The following EPPK1 variants were observed in gnomAD, a reference collection of about 807,000 sequenced individuals.
The protein encoded by EPPK1 is epiplakin.
For missense variants in EPPK1, 3,823 were observed against 3,673.3 expected, an observed-to-expected ratio of 1.04 and a Z score of -1.05; for synonymous variants, 1,862 against 1,721.2, an observed-to-expected ratio of 1.08 and a Z score of -2.03.
Position 143,866,971 on chromosome 8 carries a change from T to A in EPPK1, c.6283A>T (p.Ile2095Phe), listed in dbSNP as rs1586687327. Residue 2095 changes from isoleucine to phenylalanine, a missense_variant, in exon 2 of 2, where the codon ATC (isoleucine) becomes TTC (phenylalanine). Physicochemically the swap from Ile to Phe is conservative, Grantham distance 21. Transcript: ENST00000615648. The part of the protein sequence containing the change: ...VNKAARDSEH[I>F]DDETRRALEA... ...AGGGCCCTTCTCGTCTCGTCATCGA[T>A]GTGCTCGGAGTCCCGTGCAGCCTTG... The A allele has an allele frequency of 6.2e-7, 1 of 1,612,832 alleles. No individual in the cohort carries two copies. Among genetic ancestry groups the A allele is most frequent in the East Asian group, 2.2e-5 (1 of 44,872 alleles).
Position 143,867,426 on chromosome 8 carries a change from G to T in EPPK1, c.5828C>A (p.Pro1943His). 6.2e-7 allele frequency: 1 copy of T among 1,612,754 alleles called. No homozygotes were observed. Among genetic ancestry groups the T allele is most frequent in the Non-Finnish European group, 8.5e-7 (1 of 1,179,866 alleles). ...AQAATGFLLDPCTRQKLSVDE... is the reference protein window; with the variant it reads ...AQAATGFLLDHCTRQKLSVDE... ...CACAGAGAGCTTCTGGCGGGTGCAG[G>T]GGTCCAGGAGGAACCCGGTGGCGGC... The change falls in exon 2 of 2, where the codon CCC (proline) becomes CAC (histidine). Residue 1943 changes from proline to histidine, a missense_variant. Transcript: ENST00000615648.
In EPPK1 at chr8:143,871,613, G is replaced by A; in HGVS notation, c.1641C>T (p.Ala547=). ...CAGTGGCTGCAGCCTGCTCGAGGGT[G>A]GCGCTCAGCTTAGCGGCCAGCTTCT... ...SVEKLAAKLS[A]TLEQAAATAR... Residue 547 remains alanine, a synonymous_variant, in exon 2 of 2, where the codon GCC becomes GCT. Coordinates refer to ENST00000615648, the MANE Select transcript of EPPK1 (RefSeq NM_031308.4). 1.2e-6 allele frequency: 2 copies of A among 1,607,894 alleles called. No individual in the cohort carries two copies. The highest frequency in any genetic ancestry group is 1.7e-6 in the Non-Finnish European group (2 of 1,178,172).
At position 143,872,330 on chromosome 8, in the gene EPPK1, G is replaced by A. The variant is rs782587904; in HGVS notation, c.924C>T (p.His308=). The A allele has an allele frequency of 3.1e-6, 5 of 1,604,396 alleles. No individual in the cohort carries two copies. The Admixed American group carries it at 8.4e-5, about 27-fold the overall frequency. Residue 308 remains histidine (H), a synonymous_variant, in exon 2 of 2, where the codon CAC becomes CAT. Coordinates refer to ENST00000615648, the MANE Select transcript of EPPK1 (RefSeq NM_031308.4). ...KKSFFQAATE[H]LLPMGTALPL... Reference sequence around the variant, plus strand: ...GCAGCGCGGTGCCCATTGGGAGCAGGTGCTCGGTGGCAGCCTGGAAAAAGC... The same window carrying A: ...GCAGCGCGGTGCCCATTGGGAGCAGATGCTCGGTGGCAGCCTGGAAAAAGC...
intron 1 of EPPK1, among the ~76,000 whole-genome samples, chr8:143,875,793 C>T (rs1051681890): frequency 5.9e-5 from 9 of 152,370 alleles, no homozygotes; most frequent in Non-Finnish European, 1.2e-4. Context: ...AAGGCACAGC[C>T]GGGGTGCCAG....
In EPPK1 at chr8:143,869,677, G is replaced by A. The variant is rs373587855; in HGVS notation, c.3577C>T (p.Arg1193Cys). The A allele has an allele frequency of 2.4e-5, 39 of 1,595,858 alleles. No individual in the cohort carries two copies. The highest frequency in any genetic ancestry group is 3.3e-4 in the Middle Eastern group (2 of 6,066). ...VQETKLLAQARVMVPGPRGEV... is the reference protein window; with the variant it reads ...VQETKLLAQACVMVPGPRGEV... Reference sequence around the variant, plus strand: ...CCCCGTGGGCCGGGCACCATGACGCGGGCCTGGGCCAGGAGCTTGGTCTCC... The same window carrying A: ...CCCCGTGGGCCGGGCACCATGACGCAGGCCTGGGCCAGGAGCTTGGTCTCC... The change falls in exon 2 of 2, where the codon CGC becomes TGC. Residue 1193 changes from arginine to cysteine, a missense_variant. By Grantham distance (180) the Arg-to-Cys change is radical. Coordinates refer to ENST00000615648, the MANE Select transcript of EPPK1 (RefSeq NM_031308.4).
In EPPK1 at chr8:143,867,540, G is replaced by C; in HGVS notation, c.5714C>G (p.Pro1905Arg). The C allele has an allele frequency of 6.2e-7, 1 of 1,612,640 alleles. No homozygotes were observed. Among genetic ancestry groups the C allele is most frequent in the East Asian group, 2.2e-5 (1 of 44,878 alleles). ...GSGCIAGVTVPSTREVMSLHE... is the reference protein window; with the variant it reads ...GSGCIAGVTVRSTREVMSLHE... ...GAGGCTCATGACCTCCCTGGTGGAG[G>C]GCACCGTGACCCCCGCAATGCAGCC... The change falls in exon 2 of 2, where the codon CCC becomes CGC. Residue 1905 changes from proline (P) to arginine (R), a missense_variant. Physicochemically the swap from Pro to Arg is moderately radical, Grantham distance 103 (BLOSUM62 -2). Transcript: ENST00000615648.
intron 1 of EPPK1, among the ~76,000 whole-genome samples, chr8:143,877,013 C>T (rs1554662376): frequency 6.6e-6 from 1 of 152,270 alleles, no homozygotes; most frequent in Non-Finnish European, 1.5e-5. Flanking sequence ...GGCTCAAGTT[C>T]CCCAAACAAA....
chr8:143,870,707 C>G lies in EPPK1; in HGVS notation c.2547G>C (p.Gln849His). Reference protein sequence around the residue: ...SEYFSEGRRRQLLRRYRQREV... With the variant: ...SEYFSEGRRRHLLRRYRQREV... ...CGCGCTGCCGGTAGCGACGCAGCAG[C>G]TGCCTCCTGCGGCCCTCGCTGAAGT... is the stretch of plus-strand genomic sequence containing the variant. Residue 849 changes from glutamine (Q) to histidine (H), a missense_variant, in exon 2 of 2, where the codon CAG becomes CAC. By Grantham distance (24) the Gln-to-His change is conservative. Coordinates refer to ENST00000615648, the MANE Select transcript of EPPK1 (RefSeq NM_031308.4). The surrounding 1 kb of genome is among the most constrained non-coding windows in gnomAD (Gnocchi z 5.2). The G allele has an allele frequency of 6.2e-7, 1 of 1,610,956 alleles. No homozygotes were observed. The highest frequency in any genetic ancestry group is 8.5e-7 in the Non-Finnish European group (1 of 1,178,970).
chr8:143,873,065 C>T lies in EPPK1; in HGVS notation c.189G>A (p.Gln63=). Reference sequence around the variant, plus strand: ...GCCCGAGCCCAGCAGGCAGGAGGCCCTGCTCCATGGCGGCGTAGACACTCT... The same window carrying T: ...GCCCGAGCCCAGCAGGCAGGAGGCCTTGCTCCATGGCGGCGTAGACACTCT... ...QAQSVYAAME[Q]GLLPAGLGQA... is the part of the protein sequence containing the mutation. The change falls in exon 2 of 2, where the codon CAG becomes CAA. Residue 63 remains glutamine, a synonymous_variant. Transcript: ENST00000615648. 5.1e-6 allele frequency: 8 copies of T among 1,560,132 alleles called. No individual in the cohort carries two copies. Among genetic ancestry groups the T allele is most frequent in the Non-Finnish European group, 5.2e-6 (6 of 1,152,584 alleles).
In EPPK1 at chr8:143,870,644, C is replaced by T. The variant is rs782239845; in HGVS notation, c.2610G>A (p.Ala870=). The T allele has an allele frequency of 1.4e-5, 22 of 1,606,350 alleles. No individual in the cohort carries two copies. Among genetic ancestry groups the T allele is most frequent in the African/African-American group, 9.4e-5 (7 of 74,682 alleles). Residue 870 remains alanine (A), a synonymous_variant, in exon 2 of 2, where the codon GCG becomes GCA. Transcript: ENST00000615648. The surrounding 1 kb of genome is among the most constrained non-coding windows in gnomAD (Gnocchi z 5.2). The part of the protein sequence containing the change: ...TLGQVAKLLE[A]ETQRQADIML... ...TGATGTCCGCCTGTCTCTGCGTCTCCGCCTCCAGCAGCTTTGCCACCTGCC... is the reference window on the plus strand; with the variant it reads ...TGATGTCCGCCTGTCTCTGCGTCTCTGCCTCCAGCAGCTTTGCCACCTGCC...
chr8:143,868,885 CG>C lies in EPPK1; in HGVS notation c.4368del (p.Val1457SerfsTer82). On this transcript the variant is annotated frameshift_variant, in exon 2 of 2. Coordinates refer to ENST00000615648, the MANE Select transcript of EPPK1 (RefSeq NM_031308.4). LOFTEE classifies it low-confidence loss of function (END_TRUNC). ...TAVALRAMKV[P>X]VSTGRFKGCS... The stretch of plus-strand genomic sequence containing the variant: ...CACCCCTTAAACCTCCCTGTGCTGA[CG>C]GGCACCTTCATGGCCCTCAGAGCCA... 1 of 1,610,888 alleles carries C rather than the reference CG, an allele frequency of 6.2e-7. No homozygotes were observed.
At position 143,869,853 on chromosome 8, in the gene EPPK1, GC is replaced by G; in HGVS notation, c.3400del (p.Ala1134ProfsTer43). The G allele has an allele frequency of 6.2e-7, 1 of 1,600,684 alleles. No individual in the cohort carries two copies. Among genetic ancestry groups the G allele is most frequent in the South Asian group, 1.1e-5 (1 of 88,862 alleles). ...TEEQVQRSLQ[A>X]VPGAKDGTSL... ...TGTGCCATCCTTGGCCCCCGGCACG[GC>G]CTGCAGGCTCCTCTGGACCTGCTCC... On this transcript the variant is annotated frameshift_variant, in exon 2 of 2. Transcript: ENST00000615648. LOFTEE classifies it low-confidence loss of function (END_TRUNC).
rs781925668 is a variant in EPPK1, at chr8:143,871,375, A to G, written c.1879T>C (p.Tyr627His). The G allele has an allele frequency of 1.2e-6, 2 of 1,607,850 alleles. No homozygotes were observed. Among genetic ancestry groups the G allele is most frequent in the Non-Finnish European group, 1.7e-6 (2 of 1,178,088 alleles). ...AGGAGCCCCTTGCATCGGGCCTCAT[A>G]GATGCTCAGGCGTTCCTGGGAGCCA... ...LPGSQERLSI[Y>H]EARCKGLLRP... Residue 627 changes from tyrosine (Y) to histidine (H), a missense_variant, in exon 2 of 2, where the codon TAT (tyrosine) becomes CAT (histidine). Tyr to His is a moderately conservative substitution (Grantham distance 83). Coordinates refer to ENST00000615648, the MANE Select transcript of EPPK1 (RefSeq NM_031308.4).
rs1344830181 is a variant in EPPK1, at chr8:143,867,377, C to T, written c.5877G>A (p.Leu1959=). 2.5e-6 allele frequency: 4 copies of T among 1,612,820 alleles called. No homozygotes were observed. The highest frequency in any genetic ancestry group is 1.7e-5 in the Admixed American group (1 of 60,006). Reference sequence around the variant, plus strand: ...GCCTCTCCCGCAGCTCCTCGTTCACCAGGCCCACATCCACAGCCTCATCCA... The same window carrying T: ...GCCTCTCCCGCAGCTCCTCGTTCACTAGGCCCACATCCACAGCCTCATCCA... ...LSVDEAVDVG[L]VNEELRERLL... The change falls in exon 2 of 2, where the codon CTG becomes CTA. Residue 1959 remains leucine, a synonymous_variant. Coordinates refer to ENST00000615648, the MANE Select transcript of EPPK1 (RefSeq NM_031308.4).
At chr8:143,878,395 C>CCCGCACCCGCCCGCACCCGCCGCACCCG (rs1819526766) in intron 1 of EPPK1, 43 bp downstream of exon 1, 2 of 82,876 alleles carry the variant, frequency 2.4e-5, no homozygotes, top group African/African-American at 1.3e-4. Context: ...GCCGCACCTG[C>CCCGCACCCGCCCGCACCCGCCGCACCCG]CCGCACCCGC....
Position 143,868,766 on chromosome 8 carries a change from C to A in EPPK1, c.4488G>T (p.Ala1496=). The A allele has an allele frequency of 6.3e-7, 1 of 1,593,526 alleles. No individual in the cohort carries two copies. The highest frequency in any genetic ancestry group is 2.3e-5 in the East Asian group (1 of 44,182). ...CTGCGCTGACCACCTGCCGCAGGGC[C>A]GCAGCCCTCCCAGACCGACAGAGTG... ...LVALCRSGRA[A]ALRQVVSAVT... Residue 1496 remains alanine (A), a synonymous_variant, in exon 2 of 2, where the codon GCG becomes GCT. Coordinates refer to ENST00000615648, the MANE Select transcript of EPPK1 (RefSeq NM_031308.4).
Position 143,867,898 on chromosome 8 carries a change from C to A in EPPK1, c.5356G>T (p.Val1786Leu), listed in dbSNP as rs368495019. 6.2e-7 allele frequency: 1 copy of A among 1,613,468 alleles called. No individual in the cohort carries two copies. Among genetic ancestry groups the A allele is most frequent in the Admixed American group, 1.7e-5 (1 of 60,014 alleles). ...ACCACCTGGTCAGCAAACCTCCCCACGCGCATTTTTGCAGTTCTGGATTGC... is the reference window on the plus strand; with the variant it reads ...ACCACCTGGTCAGCAAACCTCCCCAAGCGCATTTTTGCAGTTCTGGATTGC... ...VLQSRTAKMR[V>L]GRFADQVVSF... The change falls in exon 2 of 2, where the codon GTG becomes TTG. Residue 1786 changes from valine (V) to leucine (L), a missense_variant. Physicochemically the swap from Val to Leu is conservative, Grantham distance 32. Coordinates refer to ENST00000615648, the MANE Select transcript of EPPK1 (RefSeq NM_031308.4).
Position 143,857,920 on chromosome 8 carries a change from C to CCAAA in EPPK1, c.*66_*67insTTTG. 1 of 319,412 alleles carries CCAAA rather than the reference C, an allele frequency of 3.1e-6. No individual in the cohort carries two copies. Among genetic ancestry groups the CCAAA allele is most frequent in the Non-Finnish European group, 4.8e-6 (1 of 206,386 alleles). 19.8% of individuals were successfully genotyped at this position (319,412 alleles called of 1,614,324 possible). A position where few individuals can be genotyped will look rare whatever the true frequency, so the allele number is the denominator to read the frequency against. ...ACAAAAAAAAAAAAAAAAAAAAAAACAACCCAGACACACAAGTATGCCTCC... is the reference window on the plus strand; with the variant it reads ...ACAAAAAAAAAAAAAAAAAAAAAAACCAAAAACCCAGACACACAAGTATGCCTCC... On this transcript the variant is annotated 3_prime_UTR_variant, in exon 2 of 2. Coordinates refer to ENST00000615648, the MANE Select transcript of EPPK1 (RefSeq NM_031308.4).
At position 143,871,791 on chromosome 8, in the gene EPPK1, C is replaced by T. The variant is rs369032863; in HGVS notation, c.1463G>A (p.Arg488Gln). ...GGCTGTGGCCGTGCTCAGGGCCTGC[C>T]GAGTGCTGTACTTGATGAATGGGGG... ...QGPPFIKYST[R>Q]QALSTATATV... Residue 488 changes from arginine (R) to glutamine (Q), a missense_variant, in exon 2 of 2, where the codon CGG becomes CAG. Coordinates refer to ENST00000615648, the MANE Select transcript of EPPK1 (RefSeq NM_031308.4). 26 of 1,611,778 alleles carry T rather than the reference C, an allele frequency of 1.6e-5. 1 individual carries two copies. Among genetic ancestry groups the T allele is most frequent in the African/African-American group, 8.0e-5 (6 of 74,932 alleles).
Sources: allele counts gnomAD v4.1 joint callset (sites outside exome capture counted in the v4.1 genomes callset), GRCh38; gene constraint gnomAD v4.1.1; non-coding constraint Gnocchi (gnomAD v3.1); transcripts MANE v1.5; gene names NCBI Gene and HGNC (gene_info 2026-07-23, HGNC 2026-07-21).